Variants in ITGAD observed in about 807,000 individuals in gnomAD.
The protein encoded by ITGAD is integrin subunit alpha D.
A neutral mutation model predicts 139.0 loss-of-function variants in ITGAD; 105 were observed. The ratio of observed to expected loss-of-function variants is 0.76; its 90% CI spans 0.65 to 0.89. The LOEUF (loss-of-function observed/expected upper bound fraction) is 0.89. Ranked by LOEUF, ITGAD falls within the 40% of genes least tolerant of loss-of-function variation. The probability of loss-of-function intolerance (pLI) is 0.00; values close to 1 mark genes in which losing one functional copy is unlikely to be tolerated. For missense variants in ITGAD, 1,384 were observed against 1,487.3 expected (o/e 0.93, Z 1.14); for synonymous variants, 569 against 598.3 (o/e 0.95, Z 0.71).
chr16:31,413,184 C>T lies in ITGAD; in HGVS notation c.1934C>T (p.Ala645Val). 6.2e-7 allele frequency: 1 copy of T among 1,614,146 alleles called. No homozygotes were observed. The highest frequency in any genetic ancestry group is 8.5e-7 in the Non-Finnish European group (1 of 1,180,016). ...VYRCWEEKPS[A>V]LEAGDATVCL... ...CGGTGCTGGGAAGAGAAGCCCAGTG[C>T]CCTGGAAGCTGGGGACGCCACCGTC... Residue 645 changes from alanine to valine, a missense_variant, in exon 16 of 30, where the codon GCC (alanine) becomes GTC (valine). Ala to Val is a moderately conservative substitution (Grantham distance 64). Transcript: ENST00000389202.
At chr16:31,409,606 C>T (rs967527046) in intron 10 of ITGAD, among the ~76,000 whole-genome samples, 3 of 152,046 alleles carry the variant, frequency 2.0e-5, no homozygotes, top group East Asian at 1.9e-4. Flanking sequence ...ACAGAGGAGG[C>T]GACATTGACG....
At position 31,407,776 on chromosome 16, in the gene ITGAD, C is replaced by T; in HGVS notation, c.869C>T (p.Ala290Val). Residue 290 changes from alanine to valine, a missense_variant, in exon 9 of 30, where the codon GCT becomes GTT. Ala to Val is a moderately conservative substitution (Grantham distance 64). Coordinates refer to ENST00000389202, the MANE Select transcript of ITGAD (RefSeq NM_005353.3). ...IIRYAIGVGH[A>V]FQGPTARQEL... is the part of the protein sequence containing the mutation. The stretch of plus-strand genomic sequence containing the variant: ...GTCTCTCTGCTGCAGGTGGGACACG[C>T]TTTCCAGGGACCCACTGCCAGGCAG... 1.2e-6 allele frequency: 2 copies of T among 1,614,026 alleles called. No homozygotes were observed. The highest frequency in any genetic ancestry group is 1.7e-6 in the Non-Finnish European group (2 of 1,179,886).
chr16:31,408,425 G>A lies in ITGAD; in HGVS notation c.1010G>A (p.Gly337Glu), dbSNP rs778258421. The A allele has an allele frequency of 1.2e-6, 2 of 1,613,740 alleles. No homozygotes were observed. Among genetic ancestry groups the A allele is most frequent in the Non-Finnish European group, 8.5e-7 (1 of 1,179,856 alleles). The change falls in exon 10 of 30, where the codon GGA (glycine) becomes GAA (glutamate). Residue 337 changes from glycine (G) to glutamate (E), a missense_variant and splice_region_variant. By Grantham distance (98) the Gly-to-Glu change is moderately conservative. Coordinates refer to ENST00000389202, the MANE Select transcript of ITGAD (RefSeq NM_005353.3). ...ACTTCACTGACCTGTTTCCCCACAG[G>A]AACCCAGTCCAGGGCAAGCAGCTCC... Reference protein sequence around the residue: ...QLQEKIYAVEGTQSRASSSFQ... With the variant: ...QLQEKIYAVEETQSRASSSFQ...
At chr16:31,411,975 T>TA (rs1198318924) in intron 14 of ITGAD, among the ~76,000 whole-genome samples, 1 of 152,146 alleles carries the variant, frequency 6.6e-6, no homozygotes, top group Non-Finnish European at 1.5e-5. Context: ...GTTACGCTCT[T>TA]ACTTCCTCAC....
In ITGAD at chr16:31,414,431, C is replaced by T; in HGVS notation, c.1997-20C>T. The T allele has an allele frequency of 6.2e-7, 1 of 1,607,244 alleles. No homozygotes were observed. Among genetic ancestry groups the T allele is most frequent in the Middle Eastern group, 1.7e-4 (1 of 6,022 alleles). ...AGGTTATTTCTGCCTTTTCATTTTG[C>T]ACTCTCCCCTGCACTTCAGGTGACA... On this transcript the variant is annotated intron_variant, in intron 16 of 29. Coordinates refer to ENST00000389202, the MANE Select transcript of ITGAD (RefSeq NM_005353.3).
In ITGAD at chr16:31,399,045, G is replaced by A. The variant is rs553337367; in HGVS notation, c.427+1136G>A. Among the ~76,000 whole-genome samples, 5 of 152,280 alleles carry A rather than the reference G, an allele frequency of 3.3e-5. No homozygotes were observed. The South Asian group carries it at 6.2e-4, about 19-fold the overall frequency. On this transcript the variant is annotated intron_variant, in intron 5 of 29. Transcript: ENST00000389202. ...CAAATGACAGGGCTGCGGAAAATGCGATGTGCAATTTTGTCAGTGCCCATG... is the reference window on the plus strand; with the variant it reads ...CAAATGACAGGGCTGCGGAAAATGCAATGTGCAATTTTGTCAGTGCCCATG...
At chr16:31,394,644 A>G (rs1317826115) in intron 2 of ITGAD, among the ~76,000 whole-genome samples, 1 of 152,130 alleles carries the variant, frequency 6.6e-6, no homozygotes, top group Non-Finnish European at 1.5e-5. Context: ...TTTGGAGTTT[A>G]ATGTTCTGCC....
At chr16:31,398,718 C>G (rs181901945) in intron 5 of ITGAD, among the ~76,000 whole-genome samples, 4 of 152,196 alleles carry the variant, frequency 2.6e-5, no homozygotes, top group South Asian at 2.1e-4. Context: ...CTCCTGGGCT[C>G]AAGTAATCCT....
chr16:31,414,636 A>C (rs752916550), intron 17 of ITGAD, 31 bp downstream of exon 17: 24 of 1,612,792 alleles, frequency 1.5e-5, no homozygotes, highest in Non-Finnish European at 2.0e-5. Context: ...GAAGGGGGAG[A>C]GAGGAGGAGC....
rs1204635772 is a variant in ITGAD, at chr16:31,409,248, T to C, written c.1083+750T>C. Among the ~76,000 whole-genome samples, 4 of 152,046 alleles carry C rather than the reference T, an allele frequency of 2.6e-5. No individual in the cohort carries two copies. The East Asian group carries it at 5.8e-4, about 22-fold the overall frequency. ...AGGCAGAGGTTGCACTGAGCCGAGATTGTGCCACTGCACTTCAGCCTAGGT... is the reference window on the plus strand; with the variant it reads ...AGGCAGAGGTTGCACTGAGCCGAGACTGTGCCACTGCACTTCAGCCTAGGT... On this transcript the variant is annotated intron_variant, in intron 10 of 29. Coordinates refer to ENST00000389202, the MANE Select transcript of ITGAD (RefSeq NM_005353.3).
rs573881082 is a variant in ITGAD, at chr16:31,399,435, C to T, written c.427+1526C>T. Among the ~76,000 whole-genome samples, 39 of 152,166 alleles carry T rather than the reference C, an allele frequency of 2.6e-4. 1 individual carries two copies. The East Asian group carries it at 4.6e-3, about 18-fold the overall frequency. The stretch of plus-strand genomic sequence containing the variant: ...GCCAGGGGCCGCTCAGGGTGCTGAC[C>T]GAGGGTGGGGCTTCAGACCAGAGAG... On this transcript the variant is annotated intron_variant, in intron 5 of 29. Transcript: ENST00000389202.
In ITGAD at chr16:31,410,414, C is replaced by T; in HGVS notation, c.1103C>T (p.Ala368Val). 1.9e-6 allele frequency: 3 copies of T among 1,613,988 alleles called. No homozygotes were observed. In the Middle Eastern group the frequency reaches 4.9e-4, roughly 266 times the overall value. ...TCCCAGGATGGCCTCTTCCTGGGGG[C>T]TGTGGGGAGCTTTAGCTGGTCTGGA... The part of the protein sequence containing the change: ...ALTMDGLFLG[A>V]VGSFSWSGGA... The change falls in exon 11 of 30, where the codon GCT becomes GTT. Residue 368 changes from alanine (A) to valine (V), a missense_variant. Ala to Val is a moderately conservative substitution (Grantham distance 64). Coordinates refer to ENST00000389202, the MANE Select transcript of ITGAD (RefSeq NM_005353.3).
intron 10 of ITGAD, among the ~76,000 whole-genome samples, chr16:31,409,147 T>A (rs917374709): frequency 3.3e-5 from 5 of 151,824 alleles, no homozygotes; most frequent in Non-Finnish European, 7.4e-5. Flanking sequence ...ACAAAAAAAT[T>A]AGCCAGGTGT....
At chr16:31,395,275 G>A (rs868402558) in intron 2 of ITGAD, among the ~76,000 whole-genome samples, 9 of 152,068 alleles carry the variant, frequency 5.9e-5, no homozygotes, top group African/African-American at 1.2e-4. Flanking sequence ...AGCCGAGATC[G>A]TGCCACTTTA....
At position 31,397,586 on chromosome 16, in the gene ITGAD, G is replaced by C; in HGVS notation, c.242-10G>C. 1 of 1,606,140 alleles carries C rather than the reference G, an allele frequency of 6.2e-7. No individual in the cohort carries two copies. Among genetic ancestry groups the C allele is most frequent in the East Asian group, 2.2e-5 (1 of 44,814 alleles). ...GCTGTGAGTGAGACCCCGCGTGTCT[G>C]CCCTTGCAGTCCGCCCTGAGGCCGT... On this transcript the variant is annotated splice_polypyrimidine_tract_variant and intron_variant, in intron 3 of 29. Transcript: ENST00000389202.
chr16:31,393,413 G>T lies in ITGAD; in HGVS notation c.31+22G>T, dbSNP rs746506279. 5 of 1,613,770 alleles carry T rather than the reference G, an allele frequency of 3.1e-6. No homozygotes were observed. The East Asian group carries it at 6.7e-5, about 22-fold the overall frequency. On this transcript the variant is annotated intron_variant, in intron 1 of 29. Transcript: ENST00000389202. ...AGTGGTAAGTGGGGCCAGGGTGCTG[G>T]GGAGAAGCTTGGAGGAGTTCTGAGG...
intron 10 of ITGAD, 166 bp downstream of exon 10, chr16:31,408,664 G>C: frequency 1.7e-6 from 1 of 598,742 alleles, no homozygotes; most frequent in Non-Finnish European, 3.0e-6. Context: ...AGGGAGGAGG[G>C]TAGCCTGGGT....
Position 31,414,953 on chromosome 16 carries a change from G to A in ITGAD, c.2245G>A (p.Val749Met), listed in dbSNP as rs1304906169. Residue 749 changes from valine to methionine, a missense_variant, in exon 18 of 30, where the codon GTG becomes ATG. By Grantham distance (21) the Val-to-Met change is conservative. Transcript: ENST00000389202. The part of the protein sequence containing the change: ...PIPSPQNLRP[V>M]LAVGSQDLFT... ...CCCCTCCCCCCAGAACCTGCGTCCT[G>A]TGCTGGCCGTGGGCTCACAAGACCT... 1.2e-6 allele frequency: 2 copies of A among 1,613,984 alleles called. No individual in the cohort carries two copies. The highest frequency in any genetic ancestry group is 8.5e-7 in the Non-Finnish European group (1 of 1,180,012).
intron 6 of ITGAD, 148 bp downstream of exon 6, chr16:31,402,393 A>G (rs556350598): frequency 1.2e-3 from 758 of 650,118 alleles, no homozygotes; most frequent in Middle Eastern, 4.4e-3. Context: ...CACAGGCCCA[A>G]CTTGAGCCCT....
Sources: allele counts gnomAD v4.1 joint callset (sites outside exome capture counted in the v4.1 genomes callset), GRCh38; gene constraint gnomAD v4.1.1; transcripts MANE v1.5; gene names NCBI Gene and HGNC (gene_info 2026-07-23, HGNC 2026-07-21).